ARHGAP29: variants seen among roughly 807,000 people sequenced by gnomAD.
ARHGAP29 encodes rho GTPase-activating protein 29.
Under a neutral mutation model 122.6 loss-of-function variants are expected in ARHGAP29, and 43 were observed. The ratio of observed to expected loss-of-function variants is 0.35; its 90% CI spans 0.27 to 0.45. The LOEUF is 0.45. Ranked by LOEUF, ARHGAP29 falls within the 20% of genes least tolerant of loss-of-function variation. The pLI is 1.00. For synonymous variants in ARHGAP29, 506 were observed against 497.1 expected (o/e 1.02, Z -0.24); for missense variants, 1,303 against 1,477.2 (o/e 0.88, Z 1.93).
intron 1 of ARHGAP29, among the ~76,000 whole-genome samples, chr1:94,260,429 G>A (rs140508053): frequency 6.6e-6 from 1 of 152,250 alleles, no homozygotes; most frequent in Non-Finnish European, 1.5e-5. Flanking sequence ...AAGAAAGCTG[G>A]TCACAAGCTC....
intron 7 of ARHGAP29, among the ~76,000 whole-genome samples, 165 bp from the exon 8 acceptor site, chr1:94,204,159 T>C (rs1276378298): frequency 6.6e-6 from 1 of 151,858 alleles, no homozygotes; most frequent in Non-Finnish European, 1.5e-5. Context: ...TTTTTTTTTT[T>C]TAAAAAGAGA....
chr1:94,304,560 C>T, the ARHGAP29 span, among the ~76,000 whole-genome samples: 1 of 152,208 alleles, frequency 6.6e-6, no homozygotes, highest in Non-Finnish European at 1.5e-5. Context: ...TTGATAGCAA[C>T]ACATAATGTA....
At chr1:94,247,190 G>A (rs553803383) in intron 1 of ARHGAP29, among the ~76,000 whole-genome samples, 58 of 152,274 alleles carry the variant, frequency 3.8e-4, no homozygotes, top group Middle Eastern at 3.4e-3. Context: ...ACGGACTTGA[G>A]ACCCGGTGAA....
the ARHGAP29 span, among the ~76,000 whole-genome samples, chr1:94,305,311 T>C: frequency 1.3e-5 from 2 of 152,158 alleles, no homozygotes; most frequent in African/African-American, 4.8e-5. Flanking sequence ...TCCTGAGTGG[T>C]CATGGGGTTT....
chr1:94,220,406 A>T lies in ARHGAP29; in HGVS notation c.206-14T>A, dbSNP rs986654746. 6 of 1,564,438 alleles carry T rather than the reference A, an allele frequency of 3.8e-6. No homozygotes were observed. Among genetic ancestry groups the T allele is most frequent in the African/African-American group, 1.4e-5 (1 of 72,312 alleles). On this transcript the variant is annotated splice_polypyrimidine_tract_variant and intron_variant, in intron 2 of 22. Coordinates refer to ENST00000260526, the MANE Select transcript of ARHGAP29 (RefSeq NM_004815.4). ...CTTTAAAACAGTCTTTAAAAAGAAA[A>T]AAAAATAATTTATTTCCAGAGCAAA...
intron 1 of ARHGAP29, among the ~76,000 whole-genome samples, chr1:94,269,414 G>T (rs1426861752): frequency 1.3e-5 from 2 of 152,178 alleles, no homozygotes; most frequent in Non-Finnish European, 2.9e-5. Flanking sequence ...AACACAAGCA[G>T]TTAGGAGATA....
intron 10 of ARHGAP29, 24 bp downstream of exon 10, chr1:94,202,894 A>G (rs763645440): frequency 4.4e-6 from 7 of 1,582,498 alleles, no homozygotes; most frequent in East Asian, 2.2e-5. Context: ...AAATAGGTAC[A>G]TGAAACTCCA....
Position 94,177,931 on chromosome 1 carries a change from C to A in ARHGAP29, c.2717G>T (p.Cys906Phe), listed in dbSNP as rs1281275968. The change falls in exon 21 of 23, where the codon TGT becomes TTT. Residue 906 changes from cysteine to phenylalanine, a missense_variant. Cys to Phe is a radical substitution (Grantham distance 205). This residue lies in a region of ARHGAP29 where 620 missense variants were observed against 651.2 expected (regional missense o/e 0.95). Coordinates refer to ENST00000260526, the MANE Select transcript of ARHGAP29 (RefSeq NM_004815.4). ...TGGTGATAACAGAGGCTTTGGAAAA[C>A]AGCCTTGATCAACAACACCTATGCT... ...MCSIGVVDQG[C>F]FPKPLLSPEE... The A allele has an allele frequency of 5.0e-6, 8 of 1,613,988 alleles. No homozygotes were observed. The South Asian group carries it at 6.6e-5, about 13-fold the overall frequency.
intron 14 of ARHGAP29, 134 bp downstream of exon 14, chr1:94,189,082 A>G: frequency 7.4e-7 from 1 of 1,355,778 alleles, no homozygotes. Context: ...CATGGTAACA[A>G]CTGTGAATAA....
At chr1:94,193,609 A>C (rs1021886961) in intron 12 of ARHGAP29, 1 of 152,222 alleles carries the variant, frequency 6.6e-6, no homozygotes, top group Non-Finnish European at 1.5e-5. Context: ...TCTCATGAGA[A>C]ACTACGGATG....
the ARHGAP29 span, among the ~76,000 whole-genome samples, chr1:94,287,036 C>A: frequency 6.6e-6 from 1 of 152,304 alleles, no homozygotes; most frequent in South Asian, 2.1e-4. Flanking sequence ...GCCACACCCA[C>A]CAGACAACAG....
intron 2 of ARHGAP29, 102 bp downstream of exon 2, chr1:94,231,305 A>AT: frequency 2.2e-6 from 2 of 901,174 alleles, no homozygotes; most frequent in Non-Finnish European, 3.4e-6. Flanking sequence ...TAACTAAAGC[A>AT]GAATACCCTG....
chr1:94,254,741 T>C (rs537248239), intron 1 of ARHGAP29, among the ~76,000 whole-genome samples: 2 of 152,226 alleles, frequency 1.3e-5, no homozygotes, highest in South Asian at 2.1e-4. Flanking sequence ...AATAGAAGCA[T>C]AGGATGTGGG....
chr1:94,190,767 T>C (rs1403685264), intron 12 of ARHGAP29: 2 of 152,124 alleles, frequency 1.3e-5, no homozygotes, highest in Non-Finnish European at 2.9e-5. Context: ...ACCGATGAGA[T>C]ACTGACCCTC....
At chr1:94,296,810 A>G in the ARHGAP29 span, among the ~76,000 whole-genome samples, 1 of 152,252 alleles carries the variant, frequency 6.6e-6, no homozygotes, top group South Asian at 2.1e-4. Context: ...CAAACTGATA[A>G]TGCATATTTC....
At chr1:94,234,501 AC>A (rs1452558800) in intron 1 of ARHGAP29, among the ~76,000 whole-genome samples, 1 of 152,188 alleles carries the variant, frequency 6.6e-6, no homozygotes, top group Non-Finnish European at 1.5e-5. Context: ...TAAACTGGGG[AC>A]CACACTTTAT....
chr1:94,181,755 A>G (rs1649478948), intron 19 of ARHGAP29, among the ~76,000 whole-genome samples: 1 of 152,180 alleles, frequency 6.6e-6, no homozygotes, highest in Non-Finnish European at 1.5e-5. Flanking sequence ...AACAACAACA[A>G]CAACAACAAC....
At chr1:94,291,896 A>G in the ARHGAP29 span, among the ~76,000 whole-genome samples, 2 of 151,916 alleles carry the variant, frequency 1.3e-5, no homozygotes, top group Non-Finnish European at 2.9e-5. Flanking sequence ...TTTTTCGTTC[A>G]TTTCAACCTT....
chr1:94,286,297 G>A, the ARHGAP29 span, among the ~76,000 whole-genome samples: 1 of 152,104 alleles, frequency 6.6e-6, no homozygotes, highest in Admixed American at 6.6e-5. Flanking sequence ...GTCACATTAG[G>A]GGTTTAGGGC....
Sources: gnomAD v4.1 joint callset for allele counts (sites outside exome capture counted in the v4.1 genomes callset) on GRCh38, gnomAD v4.1.1 for gene constraint, gnomAD v4.1.1 regional missense constraint, MANE v1.5 for transcripts, NCBI Gene and HGNC (gene_info 2026-07-23, HGNC 2026-07-21) for gene names.